The following STK32B variants were observed in gnomAD, a reference collection of about 807,000 sequenced individuals.
STK32B encodes serine/threonine kinase 32B.
A neutral mutation model predicts 52.6 loss-of-function variants in STK32B; 43 were observed. That is an observed-to-expected ratio of 0.82 (90% CI 0.64 to 1.05). The LOEUF (loss-of-function observed/expected upper bound fraction) is 1.05, where lower values mean the gene tolerates loss of function less well. Among genes scored for constraint, STK32B ranks in the 50% least tolerant of loss-of-function variants. STK32B has a pLI of 0.00. For missense variants in STK32B, 621 were observed against 534.6 expected, an observed-to-expected ratio of 1.16 and a Z score of -1.59; for synonymous variants, 238 against 204.3, an observed-to-expected ratio of 1.17 and a Z score of -1.41.
intron 1 of STK32B, among the ~76,000 whole-genome samples, chr4:5,085,918 A>G (rs1401314541): frequency 1.3e-5 from 2 of 152,150 alleles, no homozygotes; most frequent in Non-Finnish European, 2.9e-5. Context: ...ATTACTCGGT[A>G]TGTTTGTTGG....
At position 5,059,052 on chromosome 4, in the gene STK32B, CTTTTT is replaced by C. The variant is rs3072775; in HGVS notation, c.52+7162_52+7166del. Among the ~76,000 whole-genome samples, 282 of 86,908 alleles carry C rather than the reference CTTTTT, an allele frequency of 3.2e-3. 9 individuals carry two copies. The highest frequency in any genetic ancestry group is 4.3e-3 in the African/African-American group (89 of 20,660). The allele number at this position is 86,908 out of a possible 152,430, so 57.0% of individuals were successfully genotyped here. On this transcript the variant is annotated intron_variant, in intron 1 of 11. Transcript: ENST00000282908. ...AGGCGTGAGCCACCACGCCCAGCTG[CTTTTT>C]TTTTTTTTTTTTTTTTTTTTTTTTG...
At chr4:5,486,004 G>A (rs1177013744) in intron 11 of STK32B, among the ~76,000 whole-genome samples, 1 of 152,216 alleles carries the variant, frequency 6.6e-6, no homozygotes, top group Non-Finnish European at 1.5e-5. Flanking sequence ...CCTACTGCGG[G>A]GTGCCTCCCA....
At chr4:5,438,686 T>C (rs901077896) in intron 6 of STK32B, among the ~76,000 whole-genome samples, 3 of 152,262 alleles carry the variant, frequency 2.0e-5, no homozygotes, top group Non-Finnish European at 4.4e-5. Flanking sequence ...TGTGCCATGC[T>C]GGTGCGCTGC....
chr4:5,180,947 G>A (rs1213600973), intron 3 of STK32B, among the ~76,000 whole-genome samples: 2 of 152,154 alleles, frequency 1.3e-5, no homozygotes, highest in African/African-American at 2.4e-5. Flanking sequence ...TTGGGTTTAA[G>A]ACAACGAAGG....
At chr4:5,037,070 T>C in the STK32B span, among the ~76,000 whole-genome samples, 24 of 152,204 alleles carry the variant, frequency 1.6e-4, no homozygotes, top group Non-Finnish European at 2.5e-4. Context: ...GTCTGAGCTA[T>C]TGACCCTATT....
intron 1 of STK32B, among the ~76,000 whole-genome samples, chr4:5,089,309 T>G (rs1198329253): frequency 6.6e-6 from 1 of 152,120 alleles, no homozygotes; most frequent in East Asian, 1.9e-4. Context: ...GCTGCACCTA[T>G]TGACCCATCC....
intron 2 of STK32B, among the ~76,000 whole-genome samples, chr4:5,165,816 C>A (rs533261408): frequency 4.5e-4 from 69 of 152,312 alleles, no homozygotes; most frequent in African/African-American, 1.7e-3. Context: ...GGCCTTCGAC[C>A]TCATGCCGTA....
At chr4:5,153,181 T>G (rs1482506139) in intron 2 of STK32B, among the ~76,000 whole-genome samples, 1 of 152,160 alleles carries the variant, frequency 6.6e-6, no homozygotes, top group Non-Finnish European at 1.5e-5. Flanking sequence ...GAGGAAAATG[T>G]CCATCAGTGT....
chr4:5,499,111 C>T lies in STK32B; in HGVS notation c.*28C>T. ...CCACACTTGTTGCTGCTCAACAGGA[C>T]TGCACTCGTCTCTGCCCTGCCCACC... On this transcript the variant is annotated 3_prime_UTR_variant, in exon 12 of 12. Coordinates refer to ENST00000282908, the MANE Select transcript of STK32B (RefSeq NM_018401.3). 8 of 1,588,006 alleles carry T rather than the reference C, an allele frequency of 5.0e-6. No homozygotes were observed. Among genetic ancestry groups the T allele is most frequent in the Non-Finnish European group, 6.9e-6 (8 of 1,164,430 alleles).
chr4:5,367,693 A>G (rs1734965469), intron 4 of STK32B, among the ~76,000 whole-genome samples: 1 of 152,006 alleles, frequency 6.6e-6, no homozygotes, highest in African/African-American at 2.4e-5. Flanking sequence ...TTATTATGTG[A>G]TCTCTGCCAC....
In STK32B at chr4:5,453,229, G is replaced by A. The variant is rs1198864204; in HGVS notation, c.667-3578G>A. 6.7e-6 allele frequency among the ~76,000 whole-genome samples: 1 copy of A among 148,344 alleles called. No individual in the cohort carries two copies. Among genetic ancestry groups the A allele is most frequent in the Non-Finnish European group, 1.5e-5 (1 of 66,566 alleles). Reference sequence around the variant, plus strand: ...GAGAGAATTACAGAGATTAGGGAGAGAGAGAGAGAGAGAGAGTAGCTCATG... The same window carrying A: ...GAGAGAATTACAGAGATTAGGGAGAAAGAGAGAGAGAGAGAGTAGCTCATG... On this transcript the variant is annotated intron_variant, in intron 7 of 11. Transcript: ENST00000282908. This position sits in a 1 kb window ranked among gnomAD's most constrained non-coding sequence, Gnocchi z 4.0.
intron 4 of STK32B, among the ~76,000 whole-genome samples, chr4:5,364,082 A>T (rs1413806189): frequency 1.3e-5 from 2 of 150,796 alleles, no homozygotes; most frequent in East Asian, 3.9e-4. Context: ...TCTTAAAAAC[A>T]TTCACTGACC....
At chr4:5,178,219 A>T (rs1033417184) in intron 3 of STK32B, among the ~76,000 whole-genome samples, 1 of 152,258 alleles carries the variant, frequency 6.6e-6, no homozygotes, top group Non-Finnish European at 1.5e-5. Flanking sequence ...CTTGATTTCT[A>T]TGCATCCATA....
At chr4:5,422,791 G>T (rs1029074896) in intron 6 of STK32B, among the ~76,000 whole-genome samples, 60 of 152,246 alleles carry the variant, frequency 3.9e-4, no homozygotes, top group Admixed American at 1.4e-3. Context: ...TTGGAAGGAG[G>T]TGCTTCTGGC....
intron 1 of STK32B, among the ~76,000 whole-genome samples, chr4:5,063,359 T>C (rs1484476782): frequency 6.6e-6 from 1 of 152,094 alleles, no homozygotes; most frequent in Non-Finnish European, 1.5e-5. Flanking sequence ...TTTTTTTTTG[T>C]CTTGAGAGAG....
At chr4:5,428,765 T>C (rs981654163) in intron 6 of STK32B, among the ~76,000 whole-genome samples, 1 of 152,230 alleles carries the variant, frequency 6.6e-6, no homozygotes, top group Non-Finnish European at 1.5e-5. Context: ...CCAGCTATGA[T>C]TGTAAATTTC....
chr4:5,415,728 A>G (rs902375799), intron 5 of STK32B, among the ~76,000 whole-genome samples: 6 of 152,168 alleles, frequency 3.9e-5, no homozygotes, highest in African/African-American at 1.4e-4. Context: ...GCTTGCTCAC[A>G]TGTCAGTGCT....
At chr4:5,296,066 G>C (rs79204423) in intron 3 of STK32B, among the ~76,000 whole-genome samples, 19,089 of 152,124 alleles carry the variant, frequency 0.13, 2,746 homozygotes, top group African/African-American at 0.35. Context: ...CCATGTAGTC[G>C]TGTGGTTTTG....
At chr4:5,159,480 A>G (rs1368511927) in intron 2 of STK32B, among the ~76,000 whole-genome samples, 2 of 143,652 alleles carry the variant, frequency 1.4e-5, no homozygotes, top group African/African-American at 2.6e-5. Flanking sequence ...ACACATATAT[A>G]TGAATACATA....
Sources: gnomAD v4.1 joint callset for allele counts (sites outside exome capture counted in the v4.1 genomes callset) on GRCh38, gnomAD v4.1.1 for gene constraint, Gnocchi (gnomAD v3.1) non-coding constraint, MANE v1.5 for transcripts, NCBI Gene and HGNC (gene_info 2026-07-23, HGNC 2026-07-21) for gene names.